The following TRPC6 variants were observed in gnomAD, a reference collection of about 807,000 sequenced individuals.
TRPC6 encodes the protein transient receptor potential cation channel subfamily C member 6.
TRPC6 carries 55 observed loss-of-function variants against 90.7 expected under a neutral mutation model. The observed-to-expected ratio is 0.61, with a 90% CI of 0.49 to 0.76. The LOEUF (loss-of-function observed/expected upper bound fraction) is 0.76, where lower values mean the gene tolerates loss of function less well. TRPC6 is among the 30% of genes least tolerant of loss of function. TRPC6 has a pLI of 0.00. For missense variants in TRPC6, 989 were observed against 1,122.7 expected (o/e 0.88, Z 1.70); for synonymous variants, 393 against 393.0 (o/e 1.00, Z 0.00).
chr11:101,502,639 T>C (rs1287188487), intron 2 of TRPC6, among the ~76,000 whole-genome samples: 1 of 152,210 alleles, frequency 6.6e-6, no homozygotes, highest in African/African-American at 2.4e-5. Flanking sequence ...GGTGAAAGTC[T>C]CTGTGTCCTA....
At chr11:101,542,902 TA>T in intron 1 of TRPC6, among the ~76,000 whole-genome samples, 1 of 152,178 alleles carries the variant, frequency 6.6e-6, no homozygotes, top group Non-Finnish European at 1.5e-5. Context: ...ATAGATAGGA[TA>T]TTAAAAATAT....
chr11:101,503,401 T>A (rs1860177085), intron 2 of TRPC6, among the ~76,000 whole-genome samples: 1 of 152,242 alleles, frequency 6.6e-6, no homozygotes, highest in African/African-American at 2.4e-5. Context: ...TTCCACCATA[T>A]ACAGCTGAAA....
chr11:101,548,213 A>C (rs7942189), intron 1 of TRPC6, among the ~76,000 whole-genome samples: 14 of 145,058 alleles, frequency 9.7e-5, no homozygotes, highest in Non-Finnish European at 2.0e-4. Context: ...AAAATTTATC[A>C]TCTCATTTAA....
intron 2 of TRPC6, among the ~76,000 whole-genome samples, chr11:101,493,726 T>G (rs1268007867): frequency 6.6e-6 from 1 of 152,202 alleles, no homozygotes; most frequent in African/African-American, 2.4e-5. Context: ...TTAGTTGTCT[T>G]CTCTTCCTGA....
At chr11:101,528,661 A>G (rs1308654919) in intron 1 of TRPC6, among the ~76,000 whole-genome samples, 1 of 152,162 alleles carries the variant, frequency 6.6e-6, no homozygotes, top group African/African-American at 2.4e-5. Flanking sequence ...GTGCAGATGC[A>G]GGACCATCAC....
At chr11:101,558,272 TAC>T (rs1861617657) in intron 1 of TRPC6, among the ~76,000 whole-genome samples, 2 of 140,268 alleles carry the variant, frequency 1.4e-5, no homozygotes, top group Non-Finnish European at 1.6e-5. Context: ...TATATGGGTA[TAC>T]ATGTATATAT....
At chr11:101,518,622 T>C (rs1295369942) in intron 1 of TRPC6, among the ~76,000 whole-genome samples, 4 of 152,148 alleles carry the variant, frequency 2.6e-5, no homozygotes, top group African/African-American at 7.2e-5. Flanking sequence ...CTATGAAGAA[T>C]AGTTTGGAGG....
Position 101,538,024 on chromosome 11 carries a change from T to C in TRPC6, c.171-33226A>G, listed in dbSNP as rs147359445. ...CCTCTTGCTTTGTTTTTAATTTTTT[T>C]CCATAGATCTCAATTACCTTTATGT... On this transcript the variant is annotated intron_variant, in intron 1 of 12. Coordinates refer to ENST00000344327, the MANE Select transcript of TRPC6 (RefSeq NM_004621.6). 5.7e-3 allele frequency among the ~76,000 whole-genome samples: 865 copies of C among 152,320 alleles called. 19 individuals carry two copies. The South Asian group carries it at 0.065, about 11-fold the overall frequency.
At chr11:101,515,815 G>A (rs939059885) in intron 1 of TRPC6, among the ~76,000 whole-genome samples, 1 of 152,022 alleles carries the variant, frequency 6.6e-6, no homozygotes, top group Non-Finnish European at 1.5e-5. Context: ...ATTTAGCCCT[G>A]TTTCTCTAGC....
intron 1 of TRPC6, among the ~76,000 whole-genome samples, chr11:101,511,659 T>A (rs1224093132): frequency 3.3e-5 from 5 of 152,160 alleles, no homozygotes; most frequent in African/African-American, 1.2e-4. Context: ...TCCTTGTGAC[T>A]TGTTCATGAT....
At chr11:101,468,582 C>G (rs1859207292) in intron 10 of TRPC6, among the ~76,000 whole-genome samples, 1 of 152,154 alleles carries the variant, frequency 6.6e-6, no homozygotes, top group African/African-American at 2.4e-5. Flanking sequence ...CCCGACTTTT[C>G]CTTTGCCCTT....
intron 1 of TRPC6, among the ~76,000 whole-genome samples, chr11:101,540,169 A>G (rs1861137186): frequency 6.6e-6 from 1 of 152,246 alleles, no homozygotes; most frequent in Non-Finnish European, 1.5e-5. Context: ...TTATCGCAGC[A>G]GTGGAAATGA....
intron 10 of TRPC6, among the ~76,000 whole-genome samples, chr11:101,461,664 T>G (rs1225419636): frequency 6.6e-6 from 1 of 152,248 alleles, no homozygotes; most frequent in Non-Finnish European, 1.5e-5. Context: ...CCCCTTTATC[T>G]TTCTGTCTGT....
intron 7 of TRPC6, 146 bp downstream of exon 7, chr11:101,473,363 A>G: frequency 1.2e-6 from 1 of 833,564 alleles, no homozygotes; most frequent in Non-Finnish European, 1.9e-6. Flanking sequence ...CCTCCAACTC[A>G]TTTGTAAAAT....
rs550012002 is a variant in TRPC6 at position 101,498,701 on chromosome 11, G to A, written c.945+5323C>T. Among the ~76,000 whole-genome samples the A allele has an allele frequency of 9.2e-5, 14 of 152,212 alleles. 1 individual carries two copies. The highest frequency in any genetic ancestry group is 6.2e-4 in the South Asian group (3 of 4,818). The stretch of plus-strand genomic sequence containing the variant: ...TTCTCTGTCATAAAATAGATTAATC[G>A]TCTTCAAACAGAGGTACATTAATAC... On this transcript the variant is annotated intron_variant, in intron 2 of 12. Transcript: ENST00000344327.
Position 101,482,864 on chromosome 11 carries a change from A to G in TRPC6, c.1510+85T>C. The G allele has an allele frequency of 4.5e-6, 6 of 1,329,520 alleles. No homozygotes were observed. The South Asian group carries it at 5.9e-5, about 13-fold the overall frequency. The allele number at this position is 1,329,520 out of a possible 1,614,324, so 82.4% of individuals were successfully genotyped here. On this transcript the variant is annotated intron_variant, in intron 5 of 12. Transcript: ENST00000344327. ...ACTGTATCATGCTGCATACATTTGT[A>G]TAACTGATGTGTGAAAGAATCAGTG...
intron 1 of TRPC6, among the ~76,000 whole-genome samples, chr11:101,536,849 G>C (rs1565233969): frequency 6.6e-6 from 1 of 152,290 alleles, no homozygotes; most frequent in East Asian, 1.9e-4. Flanking sequence ...GCAATCTGAG[G>C]AATAGATGGG....
At position 101,516,109 on chromosome 11, in the gene TRPC6, A is replaced by G. The variant is rs867102255; in HGVS notation, c.171-11311T>C. Reference sequence around the variant, plus strand: ...GAATTTCTTTTAAAATGCAGCTGGGAAAAAAAAAAAAAAGCAGAGTTTCAA... The same window carrying G: ...GAATTTCTTTTAAAATGCAGCTGGGGAAAAAAAAAAAAAGCAGAGTTTCAA... On this transcript the variant is annotated intron_variant, in intron 1 of 12. Coordinates refer to ENST00000344327, the MANE Select transcript of TRPC6 (RefSeq NM_004621.6). 7.9e-3 allele frequency among the ~76,000 whole-genome samples: 274 copies of G among 34,718 alleles called. 2 individuals carry two copies. Among genetic ancestry groups the G allele is most frequent in the African/African-American group, 0.035 (252 of 7,158 alleles). The allele number at this position is 34,718 out of a possible 152,430, so 22.8% of individuals were successfully genotyped here.
At chr11:101,565,496 A>G (rs1056876462) in intron 1 of TRPC6, among the ~76,000 whole-genome samples, 1 of 152,066 alleles carries the variant, frequency 6.6e-6, no homozygotes, top group African/African-American at 2.4e-5. Flanking sequence ...AAATTCTGAG[A>G]AATTCTTTTA....
Sources: gnomAD v4.1 joint callset for allele counts (sites outside exome capture counted in the v4.1 genomes callset) on GRCh38, gnomAD v4.1.1 for gene constraint, MANE v1.5 for transcripts, NCBI Gene and HGNC (gene_info 2026-07-23, HGNC 2026-07-21) for gene names.